Variants in VWA8 observed in about 807,000 individuals in gnomAD.
The protein encoded by VWA8 is von Willebrand factor A domain containing 8.
A neutral mutation model predicts 241.5 loss-of-function variants in VWA8; 221 were observed. The observed-to-expected ratio is 0.91, with a 90% confidence interval of 0.82 to 1.02. The LOEUF is 1.02. Among genes scored for constraint, VWA8 ranks in the 50% least tolerant of loss-of-function variants. The pLI is 0.00. For missense variants in VWA8, 2,322 were observed against 2,328.7 expected, an observed-to-expected ratio of 1.00 and a Z score of 0.06; for synonymous variants, 852 against 827.1, an observed-to-expected ratio of 1.03 and a Z score of -0.52.
At chr13:41,733,794 C>T (rs1315468010) in intron 21 of VWA8, among the ~76,000 whole-genome samples, 1 of 152,198 alleles carries the variant, frequency 6.6e-6, no homozygotes, top group African/African-American at 2.4e-5. Flanking sequence ...CATGTCCACA[C>T]TGTCCCTCAT....
At chr13:41,571,772 C>T (rs932718855) in intron 43 of VWA8, among the ~76,000 whole-genome samples, 9 of 152,074 alleles carry the variant, frequency 5.9e-5, no homozygotes, top group Admixed American at 1.3e-4. Context: ...GCCGCCACCC[C>T]GTCTGGGAAG....
At chr13:41,688,467 T>G (rs562222286) in intron 34 of VWA8, among the ~76,000 whole-genome samples, 1 of 152,196 alleles carries the variant, frequency 6.6e-6, no homozygotes, top group African/African-American at 2.4e-5. Flanking sequence ...TTCCCCACAT[T>G]TCCATCAGAG....
Position 41,855,537 on chromosome 13 carries a change from ACT to A in VWA8, c.1425+10197_1425+10198del, listed in dbSNP as rs1436886647. Among the ~76,000 whole-genome samples, 3 of 151,848 alleles carry A rather than the reference ACT, an allele frequency of 2.0e-5. No homozygotes were observed. In the East Asian group the frequency reaches 5.8e-4, roughly 29 times the overall value. On this transcript the variant is annotated intron_variant, in intron 12 of 44. Coordinates refer to ENST00000379310, the MANE Select transcript of VWA8 (RefSeq NM_015058.2). ...ACTGATACATGCAACAACATAGATG[ACT>A]CTCAAATGTATTATATAAGTGAAAG... is the stretch of plus-strand genomic sequence containing the variant.
At chr13:41,625,000 A>T (rs541060998) in intron 37 of VWA8, among the ~76,000 whole-genome samples, 9 of 152,358 alleles carry the variant, frequency 5.9e-5, no homozygotes, top group African/African-American at 2.2e-4. Flanking sequence ...ATGTACAAAC[A>T]TCAGTAACAT....
At chr13:41,910,482 G>C (rs1310463140) in intron 3 of VWA8, among the ~76,000 whole-genome samples, 2 of 151,704 alleles carry the variant, frequency 1.3e-5, no homozygotes, top group Non-Finnish European at 2.9e-5. Context: ...CTAATGAGAA[G>C]CTGAGGCAGG....
At chr13:41,672,764 G>C (rs1341580341) in intron 36 of VWA8, among the ~76,000 whole-genome samples, 1 of 152,052 alleles carries the variant, frequency 6.6e-6, no homozygotes, top group African/African-American at 2.4e-5. Flanking sequence ...GCTCAAAGAA[G>C]GTAACATTTG....
In VWA8 at chr13:41,771,883, G is replaced by A. The variant is rs546776915; in HGVS notation, c.2349+6102C>T. ...AGGCATGAGCCACTGCACCCAGCAG[G>A]GACTTTTTTTTTTTTTTTTTTTTTG... is the stretch of plus-strand genomic sequence containing the variant. On this transcript the variant is annotated intron_variant, in intron 20 of 44. Coordinates refer to ENST00000379310, the MANE Select transcript of VWA8 (RefSeq NM_015058.2). Among the ~76,000 whole-genome samples, 229 of 125,904 alleles carry A rather than the reference G, an allele frequency of 1.8e-3. 1 individual carries two copies. The highest frequency in any genetic ancestry group is 3.3e-3 in the Non-Finnish European group (191 of 57,316). The allele number at this position is 125,904 out of a possible 152,430, so 82.6% of individuals were successfully genotyped here.
intron 21 of VWA8, among the ~76,000 whole-genome samples, chr13:41,738,453 A>T (rs1328927309): frequency 6.6e-6 from 1 of 152,184 alleles, no homozygotes; most frequent in Non-Finnish European, 1.5e-5. Flanking sequence ...AAATGTGTTT[A>T]GTTTACAAAA....
At chr13:41,941,177 C>T (rs1011794596) in intron 2 of VWA8, among the ~76,000 whole-genome samples, 10 of 152,126 alleles carry the variant, frequency 6.6e-5, no homozygotes, top group African/African-American at 2.4e-4. Context: ...TCACTCAAAG[C>T]CTATGCTTTT....
At chr13:41,909,684 A>G (rs900768551) in intron 3 of VWA8, among the ~76,000 whole-genome samples, 7 of 152,174 alleles carry the variant, frequency 4.6e-5, no homozygotes, top group Non-Finnish European at 1.0e-4. Flanking sequence ...CTGCTACATG[A>G]TCATTATCCT....
At chr13:41,900,595 CAATT>C (rs1875378300) in intron 4 of VWA8, among the ~76,000 whole-genome samples, 1 of 152,222 alleles carries the variant, frequency 6.6e-6, no homozygotes, top group Non-Finnish European at 1.5e-5. Context: ...CTTAGGCAAA[CAATT>C]AATCTGGATG....
intron 9 of VWA8, among the ~76,000 whole-genome samples, chr13:41,875,384 T>C (rs1385940479): frequency 3.3e-5 from 5 of 152,106 alleles, no homozygotes; most frequent in Admixed American, 6.6e-5. Flanking sequence ...CTTCTGCCTA[T>C]AAAAATGTTT....
chr13:41,816,549 A>T, intron 16 of VWA8, 149 bp downstream of exon 16: 1 of 639,322 alleles, frequency 1.6e-6, no homozygotes, highest in South Asian at 2.3e-5. Flanking sequence ...ATCGGAGTAA[A>T]CCATATGCAT....
In VWA8 at chr13:41,830,543, T is replaced by A. The variant is rs1223304717; in HGVS notation, c.1686A>T (p.Glu562Asp). 1 of 1,613,632 alleles carries A rather than the reference T, an allele frequency of 6.2e-7. No homozygotes were observed. Among genetic ancestry groups the A allele is most frequent in the Non-Finnish European group, 8.5e-7 (1 of 1,179,756 alleles). ...CCCCAAATTACCTCTTCTGTAGCTG[T>A]TCATCAGACAGTTGCAGCTCCTCCT... The part of the protein sequence containing the change: ...RLKEELQLSD[E>D]QLQKRSIFPI... The change falls in exon 14 of 45, where the codon GAA becomes GAT. Residue 562 changes from glutamate to aspartate, a missense_variant. Coordinates refer to ENST00000379310, the MANE Select transcript of VWA8 (RefSeq NM_015058.2).
chr13:41,867,431 C>T (rs1391929506), intron 10 of VWA8, among the ~76,000 whole-genome samples: 1 of 152,174 alleles, frequency 6.6e-6, no homozygotes. Flanking sequence ...GGGGAACTGT[C>T]CCTGTCTAGA....
intron 34 of VWA8, among the ~76,000 whole-genome samples, chr13:41,687,202 G>A (rs1369172767): frequency 6.6e-6 from 1 of 151,996 alleles, no homozygotes; most frequent in East Asian, 1.9e-4. Context: ...AAATTTTGAT[G>A]CAGCACAATT....
intron 4 of VWA8, among the ~76,000 whole-genome samples, chr13:41,897,076 A>G (rs1875145001): frequency 1.3e-5 from 2 of 152,174 alleles, no homozygotes; most frequent in African/African-American, 4.8e-5. Context: ...AAATAATGAT[A>G]TAGCTCCATC....
intron 9 of VWA8, among the ~76,000 whole-genome samples, chr13:41,881,358 T>C (rs976036926): frequency 5.1e-4 from 35 of 68,840 alleles, no homozygotes; most frequent in Non-Finnish European, 7.3e-4. Flanking sequence ...TAGAACATCA[T>C]AGTTTTTTTT....
intron 12 of VWA8, among the ~76,000 whole-genome samples, chr13:41,850,686 T>C (rs1872495721): frequency 6.6e-6 from 1 of 152,064 alleles, no homozygotes; most frequent in African/African-American, 2.4e-5. Flanking sequence ...CCAGAATGTC[T>C]GGCTGGGTTG....
Sources: gnomAD v4.1 joint callset for allele counts (sites outside exome capture counted in the v4.1 genomes callset) on GRCh38, gnomAD v4.1.1 for gene constraint, MANE v1.5 for transcripts, NCBI Gene and HGNC (gene_info 2026-07-23, HGNC 2026-07-21) for gene names.